Variants in ALPK1 observed in about 807,000 individuals in gnomAD.
ALPK1 encodes the protein alpha-protein kinase 1.
In ALPK1, 110 loss-of-function variants were observed where a neutral mutation model predicts 120.6. The observed-to-expected ratio is 0.91, with a 90% confidence interval of 0.78 to 1.07. ALPK1 has a LOEUF of 1.07. Ranked by LOEUF, ALPK1 falls within the 50% of genes least tolerant of loss-of-function variation. ALPK1 has a pLI of 0.00. For missense variants in ALPK1, 1,498 were observed against 1,483.9 expected (o/e 1.01, Z -0.16); for synonymous variants, 582 against 560.3 (o/e 1.04, Z -0.55).
In ALPK1 at chr4:112,315,783, T is replaced by C. The variant is rs1210619416; in HGVS notation, c.-152-18T>C. 6.6e-6 allele frequency: 1 copy of C among 152,266 alleles called. No homozygotes were observed. Among genetic ancestry groups the C allele is most frequent in the African/African-American group, 2.4e-5 (1 of 41,470 alleles). 9.4% of individuals were successfully genotyped at this position (152,266 alleles called of 1,614,324 possible). ...CTTATAACAAAGTCCTCTGTTTTTA[T>C]GTCTTTTTCTTAACTAGGAAGTTCT... On this transcript the variant is annotated intron_variant, in intron 1 of 15. Transcript: ENST00000650871.
At chr4:112,342,733 T>G (rs1344930135) in intron 2 of ALPK1, among the ~76,000 whole-genome samples, 2 of 152,238 alleles carry the variant, frequency 1.3e-5, no homozygotes, top group Admixed American at 6.5e-5. Flanking sequence ...CTATATGTCA[T>G]GTACTTTTAT....
At chr4:112,357,872 T>G in intron 2 of ALPK1, 1 of 1,160,762 alleles carries the variant, frequency 8.6e-7, no homozygotes, top group Non-Finnish European at 1.3e-6. Flanking sequence ...ATGGAGGCGC[T>G]GAGGCCGCTG....
intron 15 of ALPK1, 34 bp from the exon 16 acceptor site, chr4:112,441,169 T>A (rs1364234110): frequency 6.2e-7 from 1 of 1,613,016 alleles, no homozygotes; most frequent in African/African-American, 1.3e-5. Context: ...AAATATCTGG[T>A]GATGCTCGCA....
intron 12 of ALPK1, among the ~76,000 whole-genome samples, chr4:112,436,865 G>C (rs573730015): frequency 6.6e-6 from 1 of 152,156 alleles, no homozygotes; most frequent in Non-Finnish European, 1.5e-5. Flanking sequence ...GAGAATAAGA[G>C]ACATAGAGAA....
chr4:112,347,138 G>A (rs373125178), intron 2 of ALPK1, among the ~76,000 whole-genome samples: 34 of 152,294 alleles, frequency 2.2e-4, no homozygotes, highest in East Asian at 1.9e-3. Flanking sequence ...CCTAAGAGTC[G>A]TGTCTTTAAA....
chr4:112,382,317 G>A, intron 3 of ALPK1, 81 bp from the exon 4 acceptor site: 1 of 922,258 alleles, frequency 1.1e-6, no homozygotes, highest in Non-Finnish European at 1.6e-6. Flanking sequence ...TTTTGCCACT[G>A]AGGTGCTTCA....
intron 2 of ALPK1, among the ~76,000 whole-genome samples, chr4:112,346,340 C>T (rs965094588): frequency 1.3e-5 from 2 of 152,250 alleles, no homozygotes; most frequent in East Asian, 3.9e-4. Flanking sequence ...TGTTTTGCTT[C>T]CATAACACAA....
At chr4:112,387,540 C>T (rs1560665466) in intron 4 of ALPK1, among the ~76,000 whole-genome samples, 1 of 152,182 alleles carries the variant, frequency 6.6e-6, no homozygotes, top group Non-Finnish European at 1.5e-5. Flanking sequence ...GGACATGAAG[C>T]AGGCTCAGAA....
chr4:112,404,374 C>G (rs1733071085), intron 4 of ALPK1, among the ~76,000 whole-genome samples: 1 of 152,166 alleles, frequency 6.6e-6, no homozygotes, highest in Non-Finnish European at 1.5e-5. Context: ...CTACCAAGCT[C>G]TGTGCTGAGC....
chr4:112,394,224 G>A (rs1732552933), intron 4 of ALPK1, among the ~76,000 whole-genome samples: 2 of 152,206 alleles, frequency 1.3e-5, no homozygotes, highest in African/African-American at 4.8e-5. Flanking sequence ...TAGGGCTGGG[G>A]CAGCTTTGCC....
chr4:112,356,069 T>C, intron 2 of ALPK1: 1 of 942,676 alleles, frequency 1.1e-6, no homozygotes, highest in Non-Finnish European at 1.7e-6. Flanking sequence ...TGGAGTGTTT[T>C]TTTCTCACAG....
At chr4:112,358,982 G>A in intron 2 of ALPK1, 1 of 768,206 alleles carries the variant, frequency 1.3e-6, no homozygotes, top group Non-Finnish European at 2.4e-6. Flanking sequence ...AGCAGTTTGA[G>A]GAGGTCTGTA....
At chr4:112,321,844 G>A (rs537038265) in intron 2 of ALPK1, among the ~76,000 whole-genome samples, 1 of 152,198 alleles carries the variant, frequency 6.6e-6, no homozygotes, top group African/African-American at 2.4e-5. Flanking sequence ...ATTTTTACAG[G>A]CCATTACTGA....
At chr4:112,301,883 G>A (rs565589864) in intron 1 of ALPK1, among the ~76,000 whole-genome samples, 3 of 152,084 alleles carry the variant, frequency 2.0e-5, no homozygotes, top group Admixed American at 6.5e-5. Context: ...GTGAGCTATC[G>A]ACTTACAGAT....
At position 112,431,775 on chromosome 4, in the gene ALPK1, C is replaced by G. The variant is rs763635594; in HGVS notation, c.2228C>G (p.Ala743Gly). ...CATCCTTCAGTCCAAAAAGAAGAAG[C>G]CTTTGAAATAATTGTTGAGTTTCCA... ...GTHPSVQKEE[A>G]FEIIVEFPET... The change falls in exon 11 of 16, where the codon GCC (alanine) becomes GGC (glycine). Residue 743 changes from alanine (A) to glycine (G), a missense_variant. Coordinates refer to ENST00000650871, the MANE Select transcript of ALPK1 (RefSeq NM_025144.4). 2 of 1,614,174 alleles carry G rather than the reference C, an allele frequency of 1.2e-6. No homozygotes were observed. Among genetic ancestry groups the G allele is most frequent in the Admixed American group, 1.7e-5 (1 of 60,010 alleles).
rs182602784 is a variant in ALPK1 at position 112,382,411 on chromosome 4, C to T, written c.135C>T (p.Ser45=). 28 of 1,613,020 alleles carry T rather than the reference C, an allele frequency of 1.7e-5. No individual in the cohort carries two copies. Among genetic ancestry groups the T allele is most frequent in the East Asian group, 4.5e-5 (2 of 44,812 alleles). The stretch of plus-strand genomic sequence containing the variant: ...TGACCTTTTCAGCTTTACTCCCCAG[C>T]GAGTTAAGGACCCTGATCCAGGAGG... The part of the protein sequence containing the change: ...EDQRCRALLP[S]ELRTLIQEAK... Residue 45 remains serine (S), a synonymous_variant, in exon 4 of 16, where the codon AGC becomes AGT. Coordinates refer to ENST00000650871, the MANE Select transcript of ALPK1 (RefSeq NM_025144.4).
Position 112,358,632 on chromosome 4 carries a change from C to T in ALPK1, c.-100-19046C>T, listed in dbSNP as rs1730761276. 7 of 720,044 alleles carry T rather than the reference C, an allele frequency of 9.7e-6. No homozygotes were observed. In the African/African-American group the frequency reaches 1.0e-4, roughly 11 times the overall value. 44.6% of individuals were successfully genotyped at this position (720,044 alleles called of 1,614,324 possible). A position where few individuals can be genotyped will look rare whatever the true frequency, so the allele number is the denominator to read the frequency against. On this transcript the variant is annotated intron_variant, in intron 2 of 15. Coordinates refer to ENST00000650871, the MANE Select transcript of ALPK1 (RefSeq NM_025144.4). ...CACAGCGAACAGTGGGCTGGGGGGCCCTGGCGAGGAGCAGGCCCACAGGTG... is the reference window on the plus strand; with the variant it reads ...CACAGCGAACAGTGGGCTGGGGGGCTCTGGCGAGGAGCAGGCCCACAGGTG...
At chr4:112,346,148 C>T (rs530819205) in intron 2 of ALPK1, among the ~76,000 whole-genome samples, 72 of 152,206 alleles carry the variant, frequency 4.7e-4, no homozygotes, top group Non-Finnish European at 9.1e-4. Flanking sequence ...CAGGTGTGAG[C>T]CACCACGTCC....
At chr4:112,343,055 G>A (rs1390130896) in intron 2 of ALPK1, 1 of 152,258 alleles carries the variant, frequency 6.6e-6, no homozygotes, top group African/African-American at 2.4e-5. Context: ...CAAGCAAGTG[G>A]GCCAAGAGAT....
Sources: gnomAD v4.1 joint callset for allele counts (sites outside exome capture counted in the v4.1 genomes callset) on GRCh38, gnomAD v4.1.1 for gene constraint, MANE v1.5 for transcripts, NCBI Gene and HGNC (gene_info 2026-07-23, HGNC 2026-07-21) for gene names.